ABCD2: variants seen among roughly 807,000 people sequenced by gnomAD.
ABCD2 encodes ATP-binding cassette sub-family D member 2.
ABCD2 carries 36 observed loss-of-function variants against 70.9 expected under a neutral mutation model. The ratio of observed to expected loss-of-function variants is 0.51; its 90% CI spans 0.39 to 0.67. The LOEUF (loss-of-function observed/expected upper bound fraction) is 0.67. Among genes scored for constraint, ABCD2 ranks in the 30% least tolerant of loss-of-function variants. The pLI is 0.00. For synonymous variants in ABCD2, 304 were observed against 306.9 expected (o/e 0.99, Z 0.10); for missense variants, 729 against 890.2 (o/e 0.82, Z 2.30).
chr12:39,538,838 A>AC, the ABCD2 span, among the ~76,000 whole-genome samples: 1 of 152,176 alleles, frequency 6.6e-6, no homozygotes, highest in African/African-American at 2.4e-5. Context: ...GCTGGAAAAC[A>AC]CGTACCCCTG....
At chr12:39,592,102 C>T (rs1245817564) in intron 6 of ABCD2, among the ~76,000 whole-genome samples, 2 of 152,142 alleles carry the variant, frequency 1.3e-5, no homozygotes, top group African/African-American at 4.8e-5. Flanking sequence ...ACAGGAGGAA[C>T]TAAAATGTAC....
the ABCD2 span, among the ~76,000 whole-genome samples, chr12:39,534,516 A>G: frequency 6.6e-6 from 1 of 151,978 alleles, no homozygotes; most frequent in East Asian, 1.9e-4. Context: ...CATGCTCAGA[A>G]AATATTGACT....
rs761223134 is a variant in ABCD2 at position 39,619,478 on chromosome 12, T to C, written c.138A>G (p.Gln46=). ...CTGCTTTTTTCTTCCCGTGGCCAGA[T>C]TGCTTTAAACGCTTGCCAATGATGG... is the stretch of plus-strand genomic sequence containing the variant. The part of the protein sequence containing the change: ...LYPIIGKRLK[Q]SGHGKKKAAA... The change falls in exon 1 of 10, where the codon CAA becomes CAG. Residue 46 remains glutamine, a synonymous_variant. Transcript: ENST00000308666. 2.3e-5 allele frequency: 37 copies of C among 1,613,658 alleles called. No individual in the cohort carries two copies. Among genetic ancestry groups the C allele is most frequent in the Non-Finnish European group, 3.0e-5 (35 of 1,180,022 alleles).
intron 7 of ABCD2, among the ~76,000 whole-genome samples, chr12:39,583,355 C>G (rs907333600): frequency 1.4e-4 from 21 of 152,268 alleles, no homozygotes; most frequent in African/African-American, 4.8e-4. Flanking sequence ...GTACTACTTA[C>G]TCTACTTCTA....
downstream of ABCD2, among the ~76,000 whole-genome samples, chr12:39,549,237 T>G (rs568965976): frequency 7.2e-5 from 11 of 152,064 alleles, no homozygotes; most frequent in African/African-American, 2.2e-4. Context: ...CAAAAGTGTA[T>G]TATTGAGGGA....
chr12:39,585,615 A>G (rs145651127), intron 7 of ABCD2, among the ~76,000 whole-genome samples: 287 of 152,222 alleles, frequency 1.9e-3, no homozygotes, highest in African/African-American at 6.7e-3. Context: ...TTCTATTTTA[A>G]GCTTATATGT....
At chr12:39,617,836 AG>A (rs1459063520) in intron 1 of ABCD2, among the ~76,000 whole-genome samples, 1 of 152,194 alleles carries the variant, frequency 6.6e-6, no homozygotes, top group Non-Finnish European at 1.5e-5. Flanking sequence ...TTATTCACCA[AG>A]TCATTTAAAT....
intron 9 of ABCD2, among the ~76,000 whole-genome samples, chr12:39,560,519 T>A (rs922607629): frequency 2.0e-5 from 3 of 152,146 alleles, no homozygotes; most frequent in African/African-American, 7.2e-5. Context: ...ATTAAAATAA[T>A]TTGTTAAAGT....
chr12:39,534,806 G>GAAAGAA, the ABCD2 span, among the ~76,000 whole-genome samples: 1 of 114,822 alleles, frequency 8.7e-6, no homozygotes, highest in East Asian at 2.5e-4. Context: ...AAGAAAGAAA[G>GAAAGAA]AAAAGAAAGG....
chr12:39,576,405 C>A (rs1040896300), intron 8 of ABCD2, among the ~76,000 whole-genome samples: 1 of 152,032 alleles, frequency 6.6e-6, no homozygotes, highest in African/African-American at 2.4e-5. Flanking sequence ...ATGATCCACC[C>A]GCCTCGCCCT....
At chr12:39,567,529 A>C (rs1941372331) in intron 9 of ABCD2, among the ~76,000 whole-genome samples, 1 of 152,096 alleles carries the variant, frequency 6.6e-6, no homozygotes, top group South Asian at 2.1e-4. Context: ...TGTGTCTCTG[A>C]ACATGAGATG....
chr12:39,578,688 T>C (rs1424369412), intron 8 of ABCD2, among the ~76,000 whole-genome samples: 2 of 151,550 alleles, frequency 1.3e-5, no homozygotes, highest in African/African-American at 4.9e-5. Flanking sequence ...AAAAATGTTT[T>C]ATCAGAAGCA....
rs751325718 is a variant in ABCD2 at position 39,553,888 on chromosome 12, A to T, written c.*24T>A. 6.5e-7 allele frequency: 1 copy of T among 1,535,690 alleles called. No homozygotes were observed. Among genetic ancestry groups the T allele is most frequent in the East Asian group, 2.3e-5 (1 of 42,590 alleles). On this transcript the variant is annotated 3_prime_UTR_variant, in exon 10 of 10. Coordinates refer to ENST00000308666, the MANE Select transcript of ABCD2 (RefSeq NM_005164.4). ...TCTTTGAGCCTTTATCTAATAATTAACTTTTAAAATATGTCAAAACAAATT... is the reference window on the plus strand; with the variant it reads ...TCTTTGAGCCTTTATCTAATAATTATCTTTTAAAATATGTCAAAACAAATT...
chr12:39,546,630 A>AT (rs1941027680), downstream of ABCD2, among the ~76,000 whole-genome samples: 1 of 152,148 alleles, frequency 6.6e-6, no homozygotes, highest in African/African-American at 2.4e-5. Flanking sequence ...ATAAATAGTG[A>AT]TTGGTTGAAT....
the ABCD2 span, among the ~76,000 whole-genome samples, chr12:39,538,879 G>A: frequency 1.3e-5 from 2 of 152,246 alleles, no homozygotes; most frequent in Middle Eastern, 3.4e-3. Context: ...GACGCCGTGC[G>A]GGTACTATGT....
intron 2 of ABCD2, among the ~76,000 whole-genome samples, chr12:39,616,096 G>C (rs925508897): frequency 1.3e-5 from 2 of 152,114 alleles, no homozygotes; most frequent in Non-Finnish European, 2.9e-5. Context: ...CACGTAGGAA[G>C]AGGGGGAACC....
intron 7 of ABCD2, among the ~76,000 whole-genome samples, chr12:39,585,104 T>A (rs191556043): frequency 5.8e-4 from 89 of 152,340 alleles, no homozygotes; most frequent in African/African-American, 2.1e-3. Context: ...TGTAAATTGC[T>A]TTGGGCAACA....
At chr12:39,555,656 C>T (rs1941153745) in intron 9 of ABCD2, among the ~76,000 whole-genome samples, 1 of 152,268 alleles carries the variant, frequency 6.6e-6, no homozygotes, top group South Asian at 2.1e-4. Context: ...CACTACCAGG[C>T]CTGCCACAGT....
At chr12:39,598,797 G>T (rs574999226) in intron 6 of ABCD2, among the ~76,000 whole-genome samples, 1 of 152,060 alleles carries the variant, frequency 6.6e-6, no homozygotes, top group South Asian at 2.1e-4. Context: ...TCATAAAAAC[G>T]TAAGATTATT....
Sources: allele counts gnomAD v4.1 joint callset (sites outside exome capture counted in the v4.1 genomes callset), GRCh38; gene constraint gnomAD v4.1.1; transcripts MANE v1.5; gene names NCBI Gene and HGNC (gene_info 2026-07-23, HGNC 2026-07-21).